Variants in RAPGEF6 observed in about 807,000 individuals in gnomAD.
The protein encoded by RAPGEF6 is Rap guanine nucleotide exchange factor 6.
RAPGEF6 carries 56 observed loss-of-function variants against 171.4 expected under a neutral mutation model. That is an observed-to-expected ratio of 0.33 (90% CI 0.26 to 0.41). The LOEUF is 0.41. RAPGEF6 is among the 10% of genes least tolerant of loss of function. The pLI is 1.00. For missense variants in RAPGEF6, 1,674 were observed against 1,921.4 expected (o/e 0.87, Z 2.41); for synonymous variants, 692 against 650.1 (o/e 1.06, Z -0.98).
intron 21 of RAPGEF6, 24 bp downstream of exon 21, chr5:131,453,030 C>G: frequency 6.2e-7 from 1 of 1,602,706 alleles, no homozygotes; most frequent in South Asian, 1.1e-5. Flanking sequence ...CACTCTAACA[C>G]TTTTACATAT....
chr5:131,521,349 A>C (rs544837426), intron 7 of RAPGEF6, 41 bp downstream of exon 7: 1 of 1,510,166 alleles, frequency 6.6e-7, no homozygotes, highest in African/African-American at 1.4e-5. Context: ...CTGGCAAATA[A>C]AAAAACCATA....
At chr5:131,488,807 A>G (rs1163245364) in intron 15 of RAPGEF6, among the ~76,000 whole-genome samples, 1 of 152,204 alleles carries the variant, frequency 6.6e-6, no homozygotes, top group African/African-American at 2.4e-5. Flanking sequence ...CCTACTTCAT[A>G]AGGACTCTTA....
At chr5:131,533,367 T>C (rs1438241691) in intron 6 of RAPGEF6, among the ~76,000 whole-genome samples, 1 of 152,164 alleles carries the variant, frequency 6.6e-6, no homozygotes, top group Non-Finnish European at 1.5e-5. Context: ...CCATATTTCC[T>C]ATTATTATTC....
At chr5:131,441,554 C>T (rs1752385708) in intron 23 of RAPGEF6, among the ~76,000 whole-genome samples, 1 of 152,156 alleles carries the variant, frequency 6.6e-6, no homozygotes, top group East Asian at 1.9e-4. Flanking sequence ...TTACCTCTGT[C>T]TAAGTTAAAA....
chr5:131,504,722 AT>A lies in RAPGEF6; in HGVS notation c.1157del (p.Asn386IlefsTer20). 6.2e-7 allele frequency: 1 copy of A among 1,613,602 alleles called. No homozygotes were observed. Among genetic ancestry groups the A allele is most frequent in the African/African-American group, 1.3e-5 (1 of 74,938 alleles). Reference protein sequence around the residue: ...YWRILNHVEKNTHKVEEEGEI... With the variant: ...YWRILNHVEKXTHKVEEEGEI... ...CTCCCTCTTCCTCAACTTTATGGGT[AT>A]TTTTTTCCACATGGTTTAAAATTCT... On this transcript the variant is annotated frameshift_variant, in exon 11 of 28. Coordinates refer to ENST00000509018, the MANE Select transcript of RAPGEF6 (RefSeq NM_016340.6). LOFTEE classifies it high-confidence loss of function.
intron 1 of RAPGEF6, among the ~76,000 whole-genome samples, chr5:131,612,631 A>G (rs747169162): frequency 6.6e-6 from 1 of 152,142 alleles, no homozygotes; most frequent in Non-Finnish European, 1.5e-5. Flanking sequence ...AATTTTTGAC[A>G]AGACAACTTG....
chr5:131,512,010 T>A (rs1207919623), intron 7 of RAPGEF6, among the ~76,000 whole-genome samples: 1 of 152,110 alleles, frequency 6.6e-6, no homozygotes, highest in Non-Finnish European at 1.5e-5. Flanking sequence ...TATAGCCTCA[T>A]GGAAACGCCT....
chr5:131,454,779 C>T lies in RAPGEF6; in HGVS notation c.3076+1022G>A, dbSNP rs193107097. Among the ~76,000 whole-genome samples the T allele has an allele frequency of 2.4e-4, 37 of 152,280 alleles. No individual in the cohort carries two copies. In the East Asian group the frequency reaches 5.8e-3, roughly 24 times the overall value. ...TAAGAAACAAAAACAAAACCCCACA[C>T]TTAGTCATATTAAGCAAAACTAGAA... On this transcript the variant is annotated intron_variant, in intron 20 of 27. Coordinates refer to ENST00000509018, the MANE Select transcript of RAPGEF6 (RefSeq NM_016340.6).
At chr5:131,500,282 T>C (rs115825119) in intron 11 of RAPGEF6, among the ~76,000 whole-genome samples, 3,470 of 152,322 alleles carry the variant, frequency 0.023, 72 homozygotes, top group South Asian at 0.096. Context: ...AAGAAAATCA[T>C]AGGTCATTCC....
At chr5:131,519,718 T>G (rs564088625) in intron 7 of RAPGEF6, among the ~76,000 whole-genome samples, 2 of 152,338 alleles carry the variant, frequency 1.3e-5, no homozygotes, top group East Asian at 1.9e-4. Flanking sequence ...AGTCCAGATA[T>G]TCTCACATGT....
chr5:131,562,138 CCT>C, intron 4 of RAPGEF6, 91 bp from the exon 5 acceptor site: 1 of 830,164 alleles, frequency 1.2e-6, no homozygotes, highest in Non-Finnish European at 1.9e-6. Flanking sequence ...ACAAAAAAGC[CCT>C]GAGATATTAT....
In RAPGEF6 at chr5:131,611,733, T is replaced by C. The variant is rs138273671; in HGVS notation, c.70-7040A>G. 1.1e-4 allele frequency among the ~76,000 whole-genome samples: 17 copies of C among 152,326 alleles called. No homozygotes were observed. The South Asian group carries it at 1.2e-3, about 11-fold the overall frequency. ...TTTATTGCTGGTTTACATAAATCAA[T>C]TGATTCTATATAATAAACTTGAGTC... On this transcript the variant is annotated intron_variant, in intron 1 of 27. Coordinates refer to ENST00000509018, the MANE Select transcript of RAPGEF6 (RefSeq NM_016340.6).
At chr5:131,570,041 CAAAA>C (rs34729268) in intron 4 of RAPGEF6, among the ~76,000 whole-genome samples, 12 of 27,486 alleles carry the variant, frequency 4.4e-4, no homozygotes, top group African/African-American at 2.0e-3. Flanking sequence ...GACTCTGTCT[CAAAA>C]AAAAAAAAAA....
At chr5:131,459,001 T>C (rs910574345) in intron 19 of RAPGEF6, among the ~76,000 whole-genome samples, 3 of 152,160 alleles carry the variant, frequency 2.0e-5, no homozygotes, top group Non-Finnish European at 4.4e-5. Flanking sequence ...CTAAAGTTGA[T>C]ATGAAACAAA....
intron 1 of RAPGEF6, among the ~76,000 whole-genome samples, chr5:131,630,617 G>A (rs1217735342): frequency 6.6e-6 from 1 of 152,186 alleles, no homozygotes; most frequent in Non-Finnish European, 1.5e-5. Flanking sequence ...TCTATAAGTA[G>A]GAGAAATCTC....
At chr5:131,481,534 G>A (rs958218855) in intron 15 of RAPGEF6, among the ~76,000 whole-genome samples, 1 of 152,130 alleles carries the variant, frequency 6.6e-6, no homozygotes, top group Admixed American at 6.5e-5. Flanking sequence ...CCCGGCCTCA[G>A]ATATCTTTCT....
chr5:131,508,487 C>T (rs536793416), intron 8 of RAPGEF6, among the ~76,000 whole-genome samples: 1 of 152,278 alleles, frequency 6.6e-6, no homozygotes, highest in Non-Finnish European at 1.5e-5. Context: ...GAAAGCGGAG[C>T]GTTTATCTAA....
chr5:131,467,300 G>C (rs940650572), intron 17 of RAPGEF6, among the ~76,000 whole-genome samples: 4 of 152,164 alleles, frequency 2.6e-5, no homozygotes, highest in African/African-American at 4.8e-5. Flanking sequence ...GATTGATTCA[G>C]GTATCACACA....
intron 5 of RAPGEF6, among the ~76,000 whole-genome samples, chr5:131,553,596 CAAAATAAAAATAT>C (rs144691097): frequency 0.031 from 4,621 of 151,216 alleles, 257 homozygotes; most frequent in African/African-American, 0.1. Context: ...TTTTAGCAGA[CAAAATAAAAATAT>C]AAAATAAAAA....
Sources: gnomAD v4.1 joint callset for allele counts (sites outside exome capture counted in the v4.1 genomes callset) on GRCh38, gnomAD v4.1.1 for gene constraint, MANE v1.5 for transcripts, NCBI Gene and HGNC (gene_info 2026-07-23, HGNC 2026-07-21) for gene names.